The following CTNNA3 variants were observed in gnomAD, a reference collection of about 807,000 sequenced individuals.
The protein encoded by CTNNA3 is catenin alpha 3, also known as catenin alpha-3.
Under a neutral mutation model 95.7 loss-of-function variants are expected in CTNNA3, and 76 were observed. That is an observed-to-expected ratio of 0.79 (90% CI 0.66 to 0.96). The LOEUF (loss-of-function observed/expected upper bound fraction) is 0.96. Among genes scored for constraint, CTNNA3 ranks in the 40% least tolerant of loss-of-function variants. The pLI, the probability that CTNNA3 is intolerant of heterozygous loss-of-function variation, is 0.00. For synonymous variants in CTNNA3, 431 were observed against 374.4 expected (o/e 1.15, Z -1.74); for missense variants, 1,191 against 1,089.8 (o/e 1.09, Z -1.31).
At chr10:66,098,553 T>A (rs1214501772) in intron 14 of CTNNA3, 2 of 152,208 alleles carry the variant, frequency 1.3e-5, no homozygotes, top group African/African-American at 4.8e-5. Context: ...AGTCTGTATG[T>A]CATATAACAT....
At chr10:67,509,800 TCCCA>T (rs1459121708) in intron 5 of CTNNA3, among the ~76,000 whole-genome samples, 3 of 152,322 alleles carry the variant, frequency 2.0e-5, no homozygotes, top group African/African-American at 7.2e-5. Flanking sequence ...TAATTTACAC[TCCCA>T]CCAACAGTGT....
chr10:66,329,887 AGC>A (rs1390706522), intron 12 of CTNNA3, among the ~76,000 whole-genome samples: 1 of 152,054 alleles, frequency 6.6e-6, no homozygotes, highest in Non-Finnish European at 1.5e-5. Context: ...CCATATTACA[AGC>A]TATTCCTCCT....
chr10:66,206,897 T>A (rs1304228131), intron 13 of CTNNA3, among the ~76,000 whole-genome samples: 1 of 151,874 alleles, frequency 6.6e-6, no homozygotes, highest in Non-Finnish European at 1.5e-5. Flanking sequence ...CTATTAAAAA[T>A]GTATATTCAC....
intron 5 of CTNNA3, among the ~76,000 whole-genome samples, chr10:67,379,861 A>G (rs1429839246): frequency 6.6e-6 from 1 of 151,782 alleles, no homozygotes; most frequent in Non-Finnish European, 1.5e-5. Context: ...CTCTACTAAA[A>G]ATACAAAAAA....
chr10:66,622,579 A>T (rs974553587), intron 9 of CTNNA3, among the ~76,000 whole-genome samples: 1 of 152,160 alleles, frequency 6.6e-6, no homozygotes, highest in Non-Finnish European at 1.5e-5. Context: ...TTACTAACAC[A>T]GTAAGGCTTA....
intron 17 of CTNNA3, among the ~76,000 whole-genome samples, chr10:65,929,204 C>A (rs1281063011): frequency 6.6e-6 from 1 of 152,146 alleles, no homozygotes; most frequent in African/African-American, 2.4e-5. Flanking sequence ...AGGACATGAA[C>A]TCATCATTTT....
rs191219896 is a variant in CTNNA3 at position 66,371,784 on chromosome 10, G to A, written c.1732+7368C>T. ...CAGAGCACTGTCTGCAAAGAAGCTC[G>A]AAGGCCAGGTACTCACCCCTATGCA... is the stretch of plus-strand genomic sequence containing the variant. On this transcript the variant is annotated intron_variant, in intron 12 of 17. Coordinates refer to ENST00000433211, the MANE Select transcript of CTNNA3 (RefSeq NM_013266.4). Among the ~76,000 whole-genome samples, 247 of 152,264 alleles carry A rather than the reference G, an allele frequency of 1.6e-3. 1 individual carries two copies. The highest frequency in any genetic ancestry group is 3.4e-3 in the Middle Eastern group (1 of 294).
intron 14 of CTNNA3, among the ~76,000 whole-genome samples, chr10:66,102,233 AATG>A (rs1405833898): frequency 1.1e-4 from 17 of 152,158 alleles, no homozygotes; most frequent in African/African-American, 3.9e-4. Flanking sequence ...TAATATTAAT[AATG>A]ATGATCATGA....
intron 13 of CTNNA3, among the ~76,000 whole-genome samples, chr10:66,167,940 A>G (rs1028786619): frequency 1.3e-5 from 2 of 152,174 alleles, no homozygotes; most frequent in Admixed American, 6.5e-5. Flanking sequence ...AGCACAGCCC[A>G]TGGGAAATGT....
intron 15 of CTNNA3, among the ~76,000 whole-genome samples, chr10:66,016,702 C>T (rs1327014341): frequency 2.6e-5 from 4 of 152,042 alleles, no homozygotes; most frequent in Admixed American, 6.6e-5. Context: ...GAACTAGTCC[C>T]TATTTTTCCT....
chr10:66,814,090 A>G (rs900227481), intron 7 of CTNNA3, among the ~76,000 whole-genome samples: 2 of 152,122 alleles, frequency 1.3e-5, no homozygotes, highest in African/African-American at 2.4e-5. Flanking sequence ...TTGCTAAACC[A>G]AGAGACTGAG....
intron 3 of CTNNA3, among the ~76,000 whole-genome samples, chr10:67,567,000 A>C (rs1217805583): frequency 8.2e-6 from 1 of 122,296 alleles, no homozygotes; most frequent in Non-Finnish European, 1.6e-5. Context: ...AAAGGGGAAC[A>C]TCACACTCTG....
chr10:66,768,472 G>C (rs1380142851), intron 8 of CTNNA3, among the ~76,000 whole-genome samples: 1 of 152,146 alleles, frequency 6.6e-6, no homozygotes, highest in East Asian at 1.9e-4. Context: ...GAAACAAAGA[G>C]ACAAATTACC....
chr10:66,639,321 G>A (rs1845440083), intron 9 of CTNNA3, among the ~76,000 whole-genome samples: 1 of 152,074 alleles, frequency 6.6e-6, no homozygotes, highest in Admixed American at 6.6e-5. Flanking sequence ...TAGTTACAGT[G>A]GCCATTTTTA....
intron 5 of CTNNA3, among the ~76,000 whole-genome samples, chr10:67,374,271 T>A (rs1440331564): frequency 2.6e-5 from 4 of 152,174 alleles, no homozygotes; most frequent in African/African-American, 9.6e-5. Flanking sequence ...TGTGTTCTAA[T>A]AAAATATTAT....
chr10:65,987,606 T>C lies in CTNNA3; in HGVS notation c.2265+1086A>G, dbSNP rs979004668. On this transcript the variant is annotated intron_variant, in intron 16 of 17. Transcript: ENST00000433211. Reference sequence around the variant, plus strand: ...AAATTAGTACAGCCATTATGGAAAATAGGAGTTTTCTTTAAAAACTACTAC... The same window carrying C: ...AAATTAGTACAGCCATTATGGAAAACAGGAGTTTTCTTTAAAAACTACTAC... Among the ~76,000 whole-genome samples, 12 of 151,680 alleles carry C rather than the reference T, an allele frequency of 7.9e-5. No individual in the cohort carries two copies. In the East Asian group the frequency reaches 1.2e-3, roughly 15 times the overall value.
At chr10:67,573,193 A>G (rs1365598604) in intron 3 of CTNNA3, among the ~76,000 whole-genome samples, 3 of 152,226 alleles carry the variant, frequency 2.0e-5, no homozygotes, top group Non-Finnish European at 2.9e-5. Flanking sequence ...GTGTATAGAC[A>G]ATGATGGGAT....
At chr10:67,248,966 T>C (rs544099481) in intron 5 of CTNNA3, among the ~76,000 whole-genome samples, 1 of 152,272 alleles carries the variant, frequency 6.6e-6, no homozygotes, top group Non-Finnish European at 1.5e-5. Context: ...TGGGTTTTAA[T>C]ATAAGAGCTA....
At chr10:66,270,912 A>C (rs2132129802) in intron 13 of CTNNA3, among the ~76,000 whole-genome samples, 1 of 152,266 alleles carries the variant, frequency 6.6e-6, no homozygotes, top group East Asian at 1.9e-4. Context: ...TAGTAGGATA[A>C]GTGCTCTTTA....
Sources: allele counts gnomAD v4.1 joint callset (sites outside exome capture counted in the v4.1 genomes callset), GRCh38; gene constraint gnomAD v4.1.1; transcripts MANE v1.5; gene names NCBI Gene and HGNC (gene_info 2026-07-23, HGNC 2026-07-21).